The following PRSS23 variants were observed in gnomAD, a reference collection of about 807,000 sequenced individuals.
PRSS23 encodes serine protease 23.
Under a neutral mutation model 34.7 loss-of-function variants are expected in PRSS23, and 25 were observed. The ratio of observed to expected loss-of-function variants is 0.72; its 90% CI spans 0.53 to 1.01. The LOEUF (loss-of-function observed/expected upper bound fraction) is 1.01, where lower values mean the gene tolerates loss of function less well. Ranked by LOEUF, PRSS23 falls within the 50% of genes least tolerant of loss-of-function variation. The probability of loss-of-function intolerance (pLI) is 0.00; values close to 1 mark genes in which losing one functional copy is unlikely to be tolerated. For synonymous variants in PRSS23, 176 were observed against 186.6 expected, an observed-to-expected ratio of 0.94 and a Z score of 0.46; for missense variants, 445 against 475.6, an observed-to-expected ratio of 0.94 and a Z score of 0.60.
At chr11:86,898,375 A>G (rs1030400576) in intron 2 of PRSS23, among the ~76,000 whole-genome samples, 1 of 152,242 alleles carries the variant, frequency 6.6e-6, no homozygotes, top group Non-Finnish European at 1.5e-5. Context: ...GAAAGCTCCC[A>G]TAACCCATTA....
chr11:86,879,417 C>T (rs1025097193), intron 2 of PRSS23, among the ~76,000 whole-genome samples: 7 of 151,816 alleles, frequency 4.6e-5, no homozygotes, highest in African/African-American at 1.5e-4. Flanking sequence ...TGAGGAGTGT[C>T]TCTGCCTGGC....
At chr11:86,938,431 CG>C (rs973107850) in intron 2 of PRSS23, among the ~76,000 whole-genome samples, 3 of 152,030 alleles carry the variant, frequency 2.0e-5, no homozygotes, top group African/African-American at 4.8e-5. Context: ...AGAAGGGCCA[CG>C]GAGTGAAAGA....
chr11:86,858,280 T>A (rs1948587289), intron 2 of PRSS23, among the ~76,000 whole-genome samples: 1 of 152,102 alleles, frequency 6.6e-6, no homozygotes, highest in Non-Finnish European at 1.5e-5. Flanking sequence ...ACCACCCCTG[T>A]GATATTGTTC....
chr11:86,804,474 A>G (rs1948076491), intron 1 of PRSS23, among the ~76,000 whole-genome samples: 1 of 152,240 alleles, frequency 6.6e-6, no homozygotes, highest in Admixed American at 6.5e-5. Flanking sequence ...GGGTTTAGTA[A>G]TGTGGAGAAC....
At chr11:86,887,397 A>T (rs1321564022) in intron 2 of PRSS23, among the ~76,000 whole-genome samples, 6 of 122,016 alleles carry the variant, frequency 4.9e-5, no homozygotes, top group African/African-American at 1.9e-4. Flanking sequence ...ACAGTCAGGA[A>T]AAAAACAAAA....
At chr11:86,824,323 TAAAAATA>T (rs1338475721) in intron 2 of PRSS23, among the ~76,000 whole-genome samples, 10 of 77,668 alleles carry the variant, frequency 1.3e-4, no homozygotes, top group Non-Finnish European at 2.1e-4. Context: ...AAAATAAAAA[TAAAAATA>T]AAAATAAAAT....
intron 1 of PRSS23, among the ~76,000 whole-genome samples, chr11:86,822,591 A>C (rs1317631373): frequency 1.3e-5 from 2 of 150,374 alleles, no homozygotes; most frequent in Admixed American, 1.3e-4. Context: ...ACTGCACTTC[A>C]GCCTGGGCGA....
At chr11:86,850,653 C>T (rs931410317) in intron 2 of PRSS23, among the ~76,000 whole-genome samples, 2 of 152,176 alleles carry the variant, frequency 1.3e-5, no homozygotes, top group African/African-American at 4.8e-5. Context: ...TCCCTTCCCC[C>T]TCCCCTGAAA....
intron 1 of PRSS23, among the ~76,000 whole-genome samples, chr11:86,802,162 G>A (rs933991289): frequency 6.6e-6 from 1 of 152,170 alleles, no homozygotes; most frequent in South Asian, 2.1e-4. Context: ...CATTATTCAT[G>A]CCTAACTCCC....
At chr11:86,918,639 T>C (rs1275354190) in intron 2 of PRSS23, among the ~76,000 whole-genome samples, 2 of 152,196 alleles carry the variant, frequency 1.3e-5, no homozygotes, top group African/African-American at 2.4e-5. Flanking sequence ...GTAGGCTCTG[T>C]GAGAGCTGAG....
upstream of PRSS23, chr11:86,800,509 C>T: frequency 3.0e-6 from 3 of 984,322 alleles, no homozygotes; most frequent in Non-Finnish European, 3.6e-6. Context: ...GGGGCGGACC[C>T]GCCAGCTGCC....
At chr11:86,818,225 A>G (rs1392457028) in intron 1 of PRSS23, among the ~76,000 whole-genome samples, 2 of 152,230 alleles carry the variant, frequency 1.3e-5, no homozygotes, top group Admixed American at 6.5e-5. Context: ...ACAAGTATAA[A>G]ACAAATCATG....
chr11:86,947,351 A>G (rs1185833291), intron 2 of PRSS23: 1 of 153,210 alleles, frequency 6.5e-6, no homozygotes, highest in East Asian at 1.9e-4. Context: ...CCCTGAGTCT[A>G]TTCCTCTAGG....
At chr11:86,885,144 T>A (rs930056351) in intron 2 of PRSS23, among the ~76,000 whole-genome samples, 1 of 152,250 alleles carries the variant, frequency 6.6e-6, no homozygotes, top group Non-Finnish European at 1.5e-5. Flanking sequence ...AAATCTCCAT[T>A]GTTCAGTACC....
chr11:86,875,671 A>G (rs1948718513), intron 2 of PRSS23, among the ~76,000 whole-genome samples: 1 of 152,242 alleles, frequency 6.6e-6, no homozygotes, highest in Non-Finnish European at 1.5e-5. Flanking sequence ...TGCGTAATAT[A>G]GAAGGAACAT....
exon 3 of PRSS23, chr11:86,951,877 G>C: frequency 6.2e-7 from 1 of 1,613,550 alleles, no homozygotes; most frequent in Non-Finnish European, 8.5e-7. Context: ...GTCCTTCTTG[G>C]ATGAGAACAG....
chr11:86,939,120 G>A, intron 2 of PRSS23: 1 of 401,226 alleles, frequency 2.5e-6, no homozygotes. Context: ...AACATCGCCA[G>A]AAACACGTAA....
At chr11:86,943,848 A>T (rs1215985863) in intron 2 of PRSS23, among the ~76,000 whole-genome samples, 1 of 151,592 alleles carries the variant, frequency 6.6e-6, no homozygotes, top group East Asian at 2.0e-4. Context: ...GGTTCAAGCG[A>T]TTCTCCCATC....
intron 2 of PRSS23, among the ~76,000 whole-genome samples, chr11:86,871,385 C>G (rs187866695): frequency 6.6e-6 from 1 of 151,946 alleles, no homozygotes; most frequent in Non-Finnish European, 1.5e-5. Flanking sequence ...TCACCAGGAA[C>G]TCTTCTCTTT....
Sources: allele counts gnomAD v4.1 joint callset (sites outside exome capture counted in the v4.1 genomes callset), GRCh38; gene constraint gnomAD v4.1.1; transcripts MANE v1.5; gene names NCBI Gene and HGNC (gene_info 2026-07-23, HGNC 2026-07-21).